FIBCD1: variants seen among roughly 807,000 people sequenced by gnomAD.
FIBCD1 encodes fibrinogen C domain-containing protein 1.
Under a neutral mutation model 45.1 loss-of-function variants are expected in FIBCD1, and 47 were observed. The ratio of observed to expected loss-of-function variants is 1.04; its 90% CI spans 0.82 to 1.33. FIBCD1 has a LOEUF of 1.33. FIBCD1 is among the 40% of genes most tolerant of loss of function. FIBCD1 has a pLI of 0.00. For missense variants in FIBCD1, 653 were observed against 682.2 expected (o/e 0.96, Z 0.48); for synonymous variants, 313 against 308.1 (o/e 1.02, Z -0.17).
At chr9:130,936,355 G>A (rs1832520283) in intron 1 of FIBCD1, 1 of 152,280 alleles carries the variant, frequency 6.6e-6, no homozygotes, top group Non-Finnish European at 1.5e-5. Flanking sequence ...GAAAGGCCTT[G>A]CCTCTTGTCT....
chr9:130,925,756 C>G (rs1832347604), intron 2 of FIBCD1, among the ~76,000 whole-genome samples: 1 of 152,164 alleles, frequency 6.6e-6, no homozygotes, highest in Non-Finnish European at 1.5e-5. Flanking sequence ...GCTGCAGGAC[C>G]ACGTGGAGGG....
In FIBCD1 at chr9:130,938,532, G is replaced by T. The variant is rs539868717; in HGVS notation, c.72+4C>A. 6.7e-7 allele frequency: 1 copy of T among 1,488,540 alleles called. No individual in the cohort carries two copies. Among genetic ancestry groups the T allele is most frequent in the African/African-American group, 1.5e-5 (1 of 68,422 alleles). The allele number at this position is 1,488,540 out of a possible 1,614,324, so 92.2% of individuals were successfully genotyped here. On this transcript the variant is annotated splice_donor_region_variant and intron_variant, in intron 1 of 6. Transcript: ENST00000372338. Reference sequence around the variant, plus strand: ...AGGCCCCGTGTCCCAGCGCCCGAGCGTACCTGCGGCTTGTCGCGCGGCCGG... The same window carrying T: ...AGGCCCCGTGTCCCAGCGCCCGAGCTTACCTGCGGCTTGTCGCGCGGCCGG...
upstream of FIBCD1, among the ~76,000 whole-genome samples, chr9:130,939,852 G>A (rs529304795): frequency 2.6e-5 from 4 of 151,954 alleles, no homozygotes; most frequent in East Asian, 7.8e-4. Context: ...TCTGCGCGGC[G>A]AACGAGCTGC....
At chr9:130,913,866 GCTGGGCCTC>G (rs1287868845) in intron 4 of FIBCD1, among the ~76,000 whole-genome samples, 1 of 152,182 alleles carries the variant, frequency 6.6e-6, no homozygotes, top group East Asian at 1.9e-4. Context: ...TTGGCCGTCG[GCTGGGCCTC>G]TGCCCTGGGG....
At chr9:130,924,066 G>A (rs1408633680) in intron 3 of FIBCD1, among the ~76,000 whole-genome samples, 171 bp downstream of exon 3, 2 of 152,242 alleles carry the variant, frequency 1.3e-5, no homozygotes, top group Non-Finnish European at 2.9e-5. Flanking sequence ...CACCCTCTCT[G>A]GGACTTACTC....
At chr9:130,920,987 A>G (rs1588109355) in intron 4 of FIBCD1, among the ~76,000 whole-genome samples, 1 of 152,080 alleles carries the variant, frequency 6.6e-6, no homozygotes, top group African/African-American at 2.4e-5. Context: ...CTGCTGGGTG[A>G]CCTCGGGCAC....
At chr9:130,933,413 C>A (rs935354392) in intron 1 of FIBCD1, among the ~76,000 whole-genome samples, 1 of 152,150 alleles carries the variant, frequency 6.6e-6, no homozygotes, top group African/African-American at 2.4e-5. Context: ...GCTCCCAAGA[C>A]AGGGCATCTC....
At chr9:130,911,286 A>G (rs529833025) in intron 5 of FIBCD1, among the ~76,000 whole-genome samples, 1 of 150,738 alleles carries the variant, frequency 6.6e-6, no homozygotes, top group African/African-American at 2.5e-5. Flanking sequence ...AAGAGCTATA[A>G]CACTCACCAC....
intron 6 of FIBCD1, among the ~76,000 whole-genome samples, 160 bp from the exon 7 acceptor site, chr9:130,904,483 G>A (rs765459815): frequency 1.3e-5 from 2 of 151,924 alleles, no homozygotes; most frequent in Non-Finnish European, 2.9e-5. Flanking sequence ...GCGTGCAAGC[G>A]CACCTGCCCC....
At chr9:130,923,903 G>A (rs756059615) in intron 3 of FIBCD1, 23 bp from the exon 4 acceptor site, 1 of 1,611,566 alleles carries the variant, frequency 6.2e-7, no homozygotes, top group South Asian at 1.1e-5. Context: ...AGGCTGTCAG[G>A]GTGGCTGCGG....
In FIBCD1 at chr9:130,929,969, G is replaced by C. The variant is rs757060524; in HGVS notation, c.150C>G (p.Ala50=). The change falls in exon 2 of 7, where the codon GCC becomes GCG. Residue 50 remains alanine (A), a synonymous_variant. Transcript: ENST00000372338. ...CGTGGGCGTGGTTCAGGAAGAGCAC[G>C]GCACCGGTGACAGCTACAGCCAGCA... ...AVLLAVAVTG[A]VLFLNHAHAP... 2 of 1,548,266 alleles carry C rather than the reference G, an allele frequency of 1.3e-6. No individual in the cohort carries two copies. The highest frequency in any genetic ancestry group is 2.4e-5 in the South Asian group (2 of 83,522).
intron 4 of FIBCD1, among the ~76,000 whole-genome samples, chr9:130,920,546 G>A (rs964886643): frequency 7.9e-5 from 12 of 152,138 alleles, no homozygotes; most frequent in Non-Finnish European, 1.6e-4. Flanking sequence ...GGGTGTGCAG[G>A]TGCGGTGCCC....
At chr9:130,940,369 C>A (rs1305472884), upstream of FIBCD1, among the ~76,000 whole-genome samples, 2 of 152,276 alleles carry the variant, frequency 1.3e-5, no homozygotes, top group Non-Finnish European at 2.9e-5. Flanking sequence ...CGGCCCGATC[C>A]CGGCTTCCCG....
At chr9:130,906,489 T>C (rs10751509) in intron 5 of FIBCD1, among the ~76,000 whole-genome samples, 91,121 of 152,028 alleles carry the variant, frequency 0.6, 29,369 homozygotes, top group African/African-American at 0.84. Flanking sequence ...CAGGAGCAGC[T>C]ACTGTGGGAG....
intron 4 of FIBCD1, among the ~76,000 whole-genome samples, chr9:130,918,184 G>A (rs933030596): frequency 1.3e-5 from 2 of 152,264 alleles, no homozygotes; most frequent in Admixed American, 1.3e-4. Flanking sequence ...GTTTTGATGA[G>A]AATTAAATGT....
chr9:130,919,990 G>A (rs1258185014), intron 4 of FIBCD1, among the ~76,000 whole-genome samples: 1 of 152,096 alleles, frequency 6.6e-6, no homozygotes, highest in African/African-American at 2.4e-5. Flanking sequence ...GGGTGGGGGC[G>A]GGGAGCCCAG....
upstream of FIBCD1, among the ~76,000 whole-genome samples, chr9:130,939,647 G>A (rs1337520559): frequency 6.6e-6 from 1 of 151,458 alleles, no homozygotes. Flanking sequence ...GCCGCTCCGC[G>A]CTCGGCCGCG....
At chr9:130,930,151 C>T in intron 1 of FIBCD1, 105 bp from the exon 2 acceptor site, 1 of 1,382,214 alleles carries the variant, frequency 7.2e-7, no homozygotes, top group Non-Finnish European at 9.5e-7. Context: ...TCTTGGGGGG[C>T]TGGGCAAGGG....
chr9:130,907,638 G>A (rs3739514), intron 5 of FIBCD1, among the ~76,000 whole-genome samples: 47,735 of 152,062 alleles, frequency 0.31, 8,446 homozygotes, highest in East Asian at 0.54. Flanking sequence ...GGTGGCTTAC[G>A]CCTGTAATTC....
Sources: gnomAD v4.1 joint callset for allele counts (sites outside exome capture counted in the v4.1 genomes callset) on GRCh38, gnomAD v4.1.1 for gene constraint, MANE v1.5 for transcripts, NCBI Gene and HGNC (gene_info 2026-07-23, HGNC 2026-07-21) for gene names.